Variants in NBEA observed in about 807,000 individuals in gnomAD.
NBEA encodes neurobeachin.
NBEA carries 44 observed loss-of-function variants against 343.4 expected under a neutral mutation model. That is an observed-to-expected ratio of 0.13 (90% CI 0.10 to 0.16). NBEA has a LOEUF of 0.16. Among genes scored for constraint, NBEA ranks in the 10% least tolerant of loss-of-function variants. The probability of loss-of-function intolerance (pLI) is 1.00; values close to 1 mark genes in which losing one functional copy is unlikely to be tolerated. For missense variants in NBEA, 2,555 were observed against 3,631.3 expected, an observed-to-expected ratio of 0.70 and a Z score of 7.62; for synonymous variants, 1,175 against 1,238.7, an observed-to-expected ratio of 0.95 and a Z score of 1.08.
In NBEA at chr13:35,044,994, G is replaced by A; in HGVS notation, c.574G>A (p.Val192Ile). The A allele has an allele frequency of 1.2e-6, 2 of 1,612,098 alleles. No individual in the cohort carries two copies. The highest frequency in any genetic ancestry group is 1.1e-5 in the South Asian group (1 of 90,620). The change falls in exon 3 of 59, where the codon GTC (valine) becomes ATC (isoleucine). Residue 192 changes from valine (V) to isoleucine (I), a missense_variant. By Grantham distance (29) the Val-to-Ile change is conservative (BLOSUM62 3). Coordinates refer to ENST00000379939, the MANE Select transcript of NBEA (RefSeq NM_001385012.1). ...GGTTCTTGCCAGCTACAGCATCACT[G>A]TCAAGGAGTTGAAGCTTTTGTTCAG... ...LGVLASYSIT[V>I]KELKLLFSML...
intron 36 of NBEA, among the ~76,000 whole-genome samples, chr13:35,323,478 C>T (rs1280700129): frequency 6.7e-6 from 1 of 149,472 alleles, no homozygotes; most frequent in Non-Finnish European, 1.5e-5. Flanking sequence ...AAAAACCAAA[C>T]ACCACATATT....
chr13:35,098,901 T>A (rs1365001295), intron 11 of NBEA, among the ~76,000 whole-genome samples: 1 of 152,136 alleles, frequency 6.6e-6, no homozygotes, highest in Admixed American at 6.5e-5. Flanking sequence ...CCATTAGTTA[T>A]TTAGTAGCTA....
chr13:35,158,959 G>C (rs2069371804), intron 21 of NBEA, 57 bp from the exon 22 acceptor site: 1 of 1,380,048 alleles, frequency 7.2e-7, no homozygotes, highest in African/African-American at 1.5e-5. Context: ...GTATTATTTA[G>C]TTTTTTCTTT....
chr13:35,153,077 G>A (rs1364379508), intron 18 of NBEA, among the ~76,000 whole-genome samples: 2 of 131,590 alleles, frequency 1.5e-5, no homozygotes, highest in African/African-American at 2.9e-5. Context: ...TCACTCTGTC[G>A]CCCAGGCTGC....
intron 34 of NBEA, among the ~76,000 whole-genome samples, chr13:35,233,360 C>A (rs1048044917): frequency 1.3e-5 from 2 of 152,056 alleles, no homozygotes; most frequent in Non-Finnish European, 2.9e-5. Flanking sequence ...AGAGAGTTTT[C>A]CTGTGCCTGT....
chr13:34,991,888 TA>T (rs1320468843), intron 1 of NBEA, among the ~76,000 whole-genome samples: 1 of 152,020 alleles, frequency 6.6e-6, no homozygotes, highest in Non-Finnish European at 1.5e-5. Context: ...AAAATGTGTT[TA>T]TTTGACTGTT....
intron 35 of NBEA, among the ~76,000 whole-genome samples, chr13:35,308,989 ATAGT>A (rs1023994882): frequency 1.3e-5 from 2 of 151,946 alleles, no homozygotes; most frequent in Non-Finnish European, 2.9e-5. Context: ...AATTTTCAAA[ATAGT>A]TAATTTGTAA....
At chr13:35,544,954 C>G (rs1402338789) in intron 41 of NBEA, among the ~76,000 whole-genome samples, 2 of 152,128 alleles carry the variant, frequency 1.3e-5, no homozygotes, top group Non-Finnish European at 2.9e-5. Context: ...CAGGCACAAG[C>G]TAGATGATAT....
intron 38 of NBEA, among the ~76,000 whole-genome samples, chr13:35,413,769 G>T (rs181352704): frequency 6.6e-6 from 1 of 151,914 alleles, no homozygotes; most frequent in Admixed American, 6.6e-5. Flanking sequence ...CACTGTTCTC[G>T]TATAGCCACA....
chr13:35,372,562 A>T (rs2041499174), intron 38 of NBEA, among the ~76,000 whole-genome samples: 1 of 152,120 alleles, frequency 6.6e-6, no homozygotes, highest in Non-Finnish European at 1.5e-5. Flanking sequence ...AATTGCTTGG[A>T]TAGGGATAGC....
chr13:35,656,237 AG>A (rs1369823592), intron 55 of NBEA, among the ~76,000 whole-genome samples: 1 of 152,184 alleles, frequency 6.6e-6, no homozygotes, highest in Non-Finnish European at 1.5e-5. Context: ...GCATTGTGGG[AG>A]ATGCAAAAAC....
chr13:35,137,189 G>T (rs956741892), intron 17 of NBEA, among the ~76,000 whole-genome samples: 1 of 152,182 alleles, frequency 6.6e-6, no homozygotes, highest in Non-Finnish European at 1.5e-5. Context: ...GGTGGCTCAT[G>T]CCTGCAATCC....
Position 35,198,636 on chromosome 13 carries a change from A to G in NBEA, c.5366+2334A>G, listed in dbSNP as rs1444463689. 3.9e-5 allele frequency among the ~76,000 whole-genome samples: 6 copies of G among 152,322 alleles called. No individual in the cohort carries two copies. In the Middle Eastern group the frequency reaches 0.01, roughly 259 times the overall value. ...AATCATTATTCTAAATTGCATAAGT[A>G]CAAATGAAATGGAAGAGCACAAAGC... On this transcript the variant is annotated intron_variant, in intron 31 of 58. Transcript: ENST00000379939.
intron 35 of NBEA, among the ~76,000 whole-genome samples, chr13:35,293,819 TA>T (rs2035948254): frequency 1.3e-5 from 2 of 152,038 alleles, no homozygotes; most frequent in African/African-American, 4.8e-5. Flanking sequence ...TGTTATCCCA[TA>T]GCATTTCTGT....
chr13:35,038,572 A>T (rs2062535103), intron 1 of NBEA, among the ~76,000 whole-genome samples: 1 of 152,130 alleles, frequency 6.6e-6, no homozygotes, highest in Non-Finnish European at 1.5e-5. Flanking sequence ...CTCTTCAGTT[A>T]GCACATGATG....
intron 34 of NBEA, among the ~76,000 whole-genome samples, chr13:35,273,742 T>G (rs1005253041): frequency 1.3e-5 from 2 of 151,784 alleles, no homozygotes; most frequent in Non-Finnish European, 2.9e-5. Flanking sequence ...ACACCTCTAC[T>G]CAAATAAACT....
At chr13:35,595,341 CT>C (rs887906327) in intron 47 of NBEA, among the ~76,000 whole-genome samples, 14 of 151,280 alleles carry the variant, frequency 9.3e-5, no homozygotes, top group Admixed American at 4.0e-4. Context: ...AAACATGCAG[CT>C]TTTTTTTTCC....
chr13:35,362,391 T>C (rs1163511887), intron 38 of NBEA, among the ~76,000 whole-genome samples: 6 of 152,076 alleles, frequency 3.9e-5, no homozygotes, highest in African/African-American at 1.4e-4. Flanking sequence ...AAATTAAATT[T>C]ACCATTCTCT....
chr13:35,086,898 T>A (rs539403250), intron 10 of NBEA, among the ~76,000 whole-genome samples: 1 of 152,030 alleles, frequency 6.6e-6, no homozygotes, highest in Non-Finnish European at 1.5e-5. Context: ...TTATGCTTAG[T>A]CATGTTGAAT....
Sources: allele counts gnomAD v4.1 joint callset (sites outside exome capture counted in the v4.1 genomes callset), GRCh38; gene constraint gnomAD v4.1.1; transcripts MANE v1.5; gene names NCBI Gene and HGNC (gene_info 2026-07-23, HGNC 2026-07-21).